Variants in UBXN4 observed in about 807,000 individuals in gnomAD.
The protein encoded by UBXN4 is UBX domain protein 4.
UBXN4 carries 35 observed loss-of-function variants against 66.2 expected under a neutral mutation model. The observed-to-expected ratio is 0.53, with a 90% confidence interval of 0.40 to 0.70. The LOEUF is 0.70. Among genes scored for constraint, UBXN4 ranks in the 30% least tolerant of loss-of-function variants. UBXN4 has a pLI of 0.00. For missense variants in UBXN4, 533 were observed against 599.8 expected (o/e 0.89, Z 1.16); for synonymous variants, 203 against 204.5 (o/e 0.99, Z 0.06).
rs1033412820 is a variant in UBXN4, at chr2:135,783,957, A to G, written c.*1070A>G. 1 of 152,218 alleles carries G rather than the reference A, an allele frequency of 6.6e-6. No individual in the cohort carries two copies. Among genetic ancestry groups the G allele is most frequent in the African/African-American group, 2.4e-5 (1 of 41,460 alleles). 9.4% of individuals were successfully genotyped at this position (152,218 alleles called of 1,614,324 possible). ...TGGAAGATAGCACTCTAGAGTGGAC[A>G]TACGGAAAGACTGTGACTTTATTTT... On this transcript the variant is annotated 3_prime_UTR_variant, in exon 13 of 13. Transcript: ENST00000272638.
intron 1 of UBXN4, among the ~76,000 whole-genome samples, chr2:135,743,183 G>A (rs2077188080): frequency 6.6e-6 from 1 of 152,250 alleles, no homozygotes; most frequent in African/African-American, 2.4e-5. Flanking sequence ...TTACTGAAAT[G>A]TGAATGTCAT....
intron 6 of UBXN4, among the ~76,000 whole-genome samples, chr2:135,769,523 GA>G (rs949733052): frequency 6.6e-6 from 1 of 151,256 alleles, no homozygotes; most frequent in African/African-American, 2.4e-5. Context: ...AGGTAAATCA[GA>G]AAAAAAGGGA....
At position 135,776,245 on chromosome 2, in the gene UBXN4, A is replaced by G. The variant is rs757890435; in HGVS notation, c.951-4A>G. On this transcript the variant is annotated splice_polypyrimidine_tract_variant and splice_region_variant and intron_variant, in intron 9 of 12. Coordinates refer to ENST00000272638, the MANE Select transcript of UBXN4 (RefSeq NM_014607.4). ...ATTGTGACTTTAATTTTCTTTTTTCATAGCACTGTTGCAAGAATTCAATTC... is the reference window on the plus strand; with the variant it reads ...ATTGTGACTTTAATTTTCTTTTTTCGTAGCACTGTTGCAAGAATTCAATTC... The G allele has an allele frequency of 6.8e-6, 11 of 1,612,260 alleles. No homozygotes were observed. Among genetic ancestry groups the G allele is most frequent in the Admixed American group, 6.7e-5 (4 of 59,634 alleles).
At chr2:135,751,472 G>A (rs1383969662) in intron 2 of UBXN4, among the ~76,000 whole-genome samples, 1 of 151,822 alleles carries the variant, frequency 6.6e-6, no homozygotes, top group Non-Finnish European at 1.5e-5. Flanking sequence ...ACAGGTGTGA[G>A]CCATCGTGCC....
At chr2:135,756,984 C>A (rs2105497002) in intron 5 of UBXN4, among the ~76,000 whole-genome samples, 1 of 152,196 alleles carries the variant, frequency 6.6e-6, no homozygotes, top group East Asian at 1.9e-4. Context: ...TTCAGGATTT[C>A]TTTCTTTCTT....
chr2:135,776,686 TG>T (rs1333324245), intron 10 of UBXN4, among the ~76,000 whole-genome samples: 2 of 152,236 alleles, frequency 1.3e-5, no homozygotes, highest in African/African-American at 4.8e-5. Context: ...CTCGACCTCC[TG>T]GGCTCAAGCG....
At chr2:135,769,610 T>C (rs2077370032) in intron 6 of UBXN4, among the ~76,000 whole-genome samples, 159 bp from the exon 7 acceptor site, 1 of 152,138 alleles carries the variant, frequency 6.6e-6, no homozygotes, top group Admixed American at 6.5e-5. Flanking sequence ...CTCCAGGATT[T>C]CTGTAGGGGC....
intron 5 of UBXN4, among the ~76,000 whole-genome samples, chr2:135,760,859 A>G (rs1478920752): frequency 2.6e-5 from 4 of 152,174 alleles, no homozygotes; most frequent in African/African-American, 4.8e-5. Flanking sequence ...AAATACTCCC[A>G]CTTTGTTGAT....
Position 135,764,985 on chromosome 2 carries a change from T to C in UBXN4, c.602+3074T>C, listed in dbSNP as rs1422347701. Among the ~76,000 whole-genome samples, 3 of 151,984 alleles carry C rather than the reference T, an allele frequency of 2.0e-5. No individual in the cohort carries two copies. In the East Asian group the frequency reaches 5.8e-4, roughly 29 times the overall value. ...TGCGCCACCATGACTGGCTAATTTT[T>C]GTATTTTTAGTAGAGACAGGGGTTT... On this transcript the variant is annotated intron_variant, in intron 6 of 12. Transcript: ENST00000272638.
At chr2:135,777,530 C>G (rs2077423532) in intron 10 of UBXN4, among the ~76,000 whole-genome samples, 1 of 152,166 alleles carries the variant, frequency 6.6e-6, no homozygotes, top group Non-Finnish European at 1.5e-5. Context: ...TCCTGAGTTT[C>G]ACTGCTTTTG....
intron 3 of UBXN4, 78 bp downstream of exon 3, chr2:135,753,645 T>G (rs2077260758): frequency 8.5e-7 from 1 of 1,176,584 alleles, no homozygotes; most frequent in Admixed American, 3.4e-5. Flanking sequence ...AATTTAGAAA[T>G]TATTCATTTT....
At chr2:135,756,568 A>G (rs7607523) in intron 5 of UBXN4, among the ~76,000 whole-genome samples, 145 of 152,332 alleles carry the variant, frequency 9.5e-4, no homozygotes, top group African/African-American at 3.2e-3. Flanking sequence ...CGGATGGATC[A>G]TTCAACTTCT....
rs189284395 is a variant in UBXN4, at chr2:135,771,199, G to A, written c.822+464G>A. 4.1e-4 allele frequency among the ~76,000 whole-genome samples: 63 copies of A among 152,236 alleles called. No individual in the cohort carries two copies. The East Asian group carries it at 0.012, about 28-fold the overall frequency. ...CTGCAATACATATTAAAACCATCCCGCCAGGTGTGGCTCACGCCTGTAATC... is the reference window on the plus strand; with the variant it reads ...CTGCAATACATATTAAAACCATCCCACCAGGTGTGGCTCACGCCTGTAATC... On this transcript the variant is annotated intron_variant, in intron 8 of 12. Transcript: ENST00000272638.
intron 1 of UBXN4, among the ~76,000 whole-genome samples, chr2:135,744,092 T>G (rs1381787637): frequency 2.0e-5 from 3 of 152,244 alleles, no homozygotes; most frequent in East Asian, 1.9e-4. Context: ...ATGTAGATAC[T>G]GGACTCATGA....
intron 1 of UBXN4, among the ~76,000 whole-genome samples, chr2:135,747,121 C>T (rs1367154644): frequency 4.6e-5 from 7 of 151,984 alleles, no homozygotes; most frequent in Admixed American, 6.6e-5. Context: ...CGAATAACTG[C>T]AATGAGGAAG....
At chr2:135,782,603 T>C (rs1270751363) in intron 12 of UBXN4, 146 bp from the exon 13 acceptor site, 15 of 910,626 alleles carry the variant, frequency 1.6e-5, no homozygotes, top group Non-Finnish European at 2.5e-5. Flanking sequence ...TTAGTAGATA[T>C]AATGGTCTCC....
rs372430346 is a variant in UBXN4 at position 135,753,686 on chromosome 2, G to A, written c.214+119G>A. ...AGGAAATCATACATTCTTTTTTATG[G>A]AAACTTTATTACTAAGTGTCCTCAT... On this transcript the variant is annotated intron_variant, in intron 3 of 12. Transcript: ENST00000272638. 4.3e-5 allele frequency: 39 copies of A among 911,984 alleles called. 1 individual carries two copies. In the East Asian group the frequency reaches 1.0e-3, roughly 24 times the overall value. The allele number at this position is 911,984 out of a possible 1,614,324, so 56.5% of individuals were successfully genotyped here.
intron 1 of UBXN4, chr2:135,742,696 G>C (rs906642555): frequency 2.0e-5 from 3 of 152,200 alleles, no homozygotes; most frequent in Non-Finnish European, 2.9e-5. Flanking sequence ...ACCACCTGAT[G>C]TTCACGGTTA....
chr2:135,779,348 C>T (rs1336953330), intron 11 of UBXN4, among the ~76,000 whole-genome samples: 2 of 152,060 alleles, frequency 1.3e-5, no homozygotes, highest in African/African-American at 2.4e-5. Context: ...TAGGAGAAGA[C>T]AGTAAGAAAT....
Sources: allele counts gnomAD v4.1 joint callset (sites outside exome capture counted in the v4.1 genomes callset), GRCh38; gene constraint gnomAD v4.1.1; transcripts MANE v1.5; gene names NCBI Gene and HGNC (gene_info 2026-07-23, HGNC 2026-07-21).